Variants in MSRB3 observed in about 807,000 individuals in gnomAD.
MSRB3 encodes methionine-R-sulfoxide reductase B3.
Under a neutral mutation model 21.0 loss-of-function variants are expected in MSRB3, and 13 were observed. That is an observed-to-expected ratio of 0.62 (90% confidence interval 0.40 to 0.98). The LOEUF (loss-of-function observed/expected upper bound fraction) is 0.98, where lower values mean the gene tolerates loss of function less well. MSRB3 is among the 50% of genes least tolerant of loss of function. The pLI is 0.00. For missense variants in MSRB3, 199 were observed against 230.3 expected, an observed-to-expected ratio of 0.86 and a Z score of 0.88; for synonymous variants, 87 against 88.6, an observed-to-expected ratio of 0.98 and a Z score of 0.10.
In MSRB3 at chr12:65,348,893, G is replaced by A. The variant is rs187889183; in HGVS notation, c.264-20105G>A. ...TTGTTCAGTTTCCATGTGGTTGTGCGGTTTTGAGTGAGTTTCTTTTCTTTT... is the reference window on the plus strand; with the variant it reads ...TTGTTCAGTTTCCATGTGGTTGTGCAGTTTTGAGTGAGTTTCTTTTCTTTT... On this transcript the variant is annotated intron_variant, in intron 4 of 6. Coordinates refer to ENST00000308259, the MANE Select transcript of MSRB3 (RefSeq NM_001031679.3). Among the ~76,000 whole-genome samples, 48 of 151,024 alleles carry A rather than the reference G, an allele frequency of 3.2e-4. No individual in the cohort carries two copies. The East Asian group carries it at 6.4e-3, about 20-fold the overall frequency.
intron 1 of MSRB3, 130 bp downstream of exon 1, chr12:65,278,995 A>AC: frequency 1.3e-6 from 2 of 1,486,646 alleles, no homozygotes; most frequent in Non-Finnish European, 1.8e-6. Flanking sequence ...ACCTGCGGGG[A>AC]CAGCCCCTGC....
At chr12:65,287,073 A>G (rs1456538969) in intron 1 of MSRB3, among the ~76,000 whole-genome samples, 13 of 144,088 alleles carry the variant, frequency 9.0e-5, no homozygotes, top group Non-Finnish European at 9.0e-5. Context: ...AAAACAACTC[A>G]GGACAGTCTT....
intron 4 of MSRB3, among the ~76,000 whole-genome samples, chr12:65,336,157 A>G (rs1875749111): frequency 6.6e-6 from 1 of 152,222 alleles, no homozygotes; most frequent in African/African-American, 2.4e-5. Context: ...CTGAAAACTC[A>G]GAGAAAAACT....
chr12:65,308,677 C>T, intron 2 of MSRB3, 22 bp downstream of exon 2: 1 of 1,613,760 alleles, frequency 6.2e-7, no homozygotes, highest in Non-Finnish European at 8.5e-7. Context: ...TTGTACTGTA[C>T]ATAGTGAAGG....
chr12:65,350,980 A>G (rs1188608622), intron 4 of MSRB3, among the ~76,000 whole-genome samples: 1 of 149,112 alleles, frequency 6.7e-6, no homozygotes, highest in Non-Finnish European at 1.5e-5. Flanking sequence ...CATCTACAGA[A>G]CTCTCCACCC....
intron 5 of MSRB3, among the ~76,000 whole-genome samples, chr12:65,407,989 A>G (rs890512324): frequency 4.0e-5 from 6 of 150,850 alleles, no homozygotes; most frequent in Non-Finnish European, 5.9e-5. Flanking sequence ...CATGTTAACT[A>G]TAGTTGTTTT....
At chr12:65,415,931 G>A (rs967606191) in intron 5 of MSRB3, among the ~76,000 whole-genome samples, 20 of 152,126 alleles carry the variant, frequency 1.3e-4, no homozygotes, top group Admixed American at 3.9e-4. Flanking sequence ...CCTAAGGATT[G>A]CATCCCTGGC....
At chr12:65,322,575 C>T (rs974754753) in intron 2 of MSRB3, among the ~76,000 whole-genome samples, 17 of 147,508 alleles carry the variant, frequency 1.2e-4, no homozygotes, top group African/African-American at 3.8e-4. Context: ...GCAGGAGAAT[C>T]GCTTGAATCC....
At chr12:65,390,681 A>C (rs771084826) in intron 5 of MSRB3, among the ~76,000 whole-genome samples, 7 of 152,158 alleles carry the variant, frequency 4.6e-5, no homozygotes, top group Admixed American at 6.5e-5. Flanking sequence ...ATGTTCATAG[A>C]ACATTATTTA....
intron 5 of MSRB3, among the ~76,000 whole-genome samples, chr12:65,431,343 A>G (rs1272380428): frequency 6.6e-6 from 1 of 151,998 alleles, no homozygotes; most frequent in Admixed American, 6.6e-5. Flanking sequence ...TCCTCCTGTC[A>G]TGACAGAGAG....
intron 5 of MSRB3, among the ~76,000 whole-genome samples, chr12:65,445,802 T>C (rs967688887): frequency 2.0e-5 from 3 of 151,800 alleles, no homozygotes; most frequent in Admixed American, 6.6e-5. Flanking sequence ...TGCACCACCA[T>C]GCCCGGCTAA....
At position 65,463,330 on chromosome 12, in the gene MSRB3, G is replaced by A. The variant is rs770177032; in HGVS notation, c.*8G>A. On this transcript the variant is annotated 3_prime_UTR_variant, in exon 7 of 7. Coordinates refer to ENST00000308259, the MANE Select transcript of MSRB3 (RefSeq NM_001031679.3). ...GACAAAGCGGAGCTCTAGAGTAATG[G>A]AGAGTGATGGAAACAAAGTGTACTT... 9 of 1,614,144 alleles carry A rather than the reference G, an allele frequency of 5.6e-6. No individual in the cohort carries two copies. Among genetic ancestry groups the A allele is most frequent in the East Asian group, 2.2e-5 (1 of 44,882 alleles).
chr12:65,362,193 G>T (rs1006911490), intron 4 of MSRB3, among the ~76,000 whole-genome samples: 1 of 152,104 alleles, frequency 6.6e-6, no homozygotes, highest in East Asian at 1.9e-4. Flanking sequence ...GATTCTCTTG[G>T]TGTCCCTCTC....
At chr12:65,306,696 G>T (rs1248457360) in intron 1 of MSRB3, among the ~76,000 whole-genome samples, 2 of 152,178 alleles carry the variant, frequency 1.3e-5, no homozygotes, top group Non-Finnish European at 2.9e-5. Flanking sequence ...TTTTCAAAAA[G>T]CTGGGCAAAA....
chr12:65,448,820 A>G (rs2136693780), intron 5 of MSRB3, among the ~76,000 whole-genome samples: 1 of 152,360 alleles, frequency 6.6e-6, no homozygotes, highest in South Asian at 2.1e-4. Flanking sequence ...AAATCTATTT[A>G]TCATGGTTTC....
chr12:65,457,857 A>ATTT (rs548577290), intron 6 of MSRB3, among the ~76,000 whole-genome samples: 7 of 151,880 alleles, frequency 4.6e-5, no homozygotes, highest in Admixed American at 3.9e-4. Flanking sequence ...TAAGAGTTTT[A>ATTT]TTTTATTATT....
chr12:65,337,430 CAAAAAAAAAAA>C (rs780302211), intron 4 of MSRB3, among the ~76,000 whole-genome samples: 10 of 43,588 alleles, frequency 2.3e-4, no homozygotes, highest in African/African-American at 8.4e-4. Context: ...GAGACTACAT[CAAAAAAAAAAA>C]AAAAAAAAAA....
intron 1 of MSRB3, among the ~76,000 whole-genome samples, chr12:65,292,059 A>T (rs1280070011): frequency 2.0e-5 from 3 of 152,194 alleles, no homozygotes; most frequent in Admixed American, 2.0e-4. Context: ...TGCTGATTGG[A>T]TATAAAGTCT....
At chr12:65,335,449 T>G (rs1875702059) in intron 4 of MSRB3, among the ~76,000 whole-genome samples, 1 of 152,096 alleles carries the variant, frequency 6.6e-6, no homozygotes. Context: ...ACCAGAAAAT[T>G]TAAGCCATTT....
Sources: allele counts gnomAD v4.1 joint callset (sites outside exome capture counted in the v4.1 genomes callset), GRCh38; gene constraint gnomAD v4.1.1; transcripts MANE v1.5; gene names NCBI Gene and HGNC (gene_info 2026-07-23, HGNC 2026-07-21).